Variants in DNAH11 observed in about 807,000 individuals in gnomAD.
DNAH11 encodes the protein axonemal beta dynein heavy chain 11.
In DNAH11, 442 loss-of-function variants were observed where a neutral mutation model predicts 526.0. That is an observed-to-expected ratio of 0.84 (90% CI 0.78 to 0.91). DNAH11 has a LOEUF of 0.91. Among genes scored for constraint, DNAH11 ranks in the 40% least tolerant of loss-of-function variants. DNAH11 has a pLI of 0.00. For missense variants in DNAH11, 6,989 were observed against 5,448.7 expected (o/e 1.28, Z -8.90); for synonymous variants, 2,461 against 1,935.9 (o/e 1.27, Z -7.12).
At chr7:21,590,855 T>C (rs1055118392) in intron 12 of DNAH11, 63 bp from the exon 13 acceptor site, 7 of 1,013,972 alleles carry the variant, frequency 6.9e-6, no homozygotes, top group Admixed American at 3.9e-5. Flanking sequence ...CAAGTTAAAC[T>C]TGAGTTAAAA....
chr7:21,816,143 T>G (rs1480450241), intron 63 of DNAH11, among the ~76,000 whole-genome samples: 1 of 152,142 alleles, frequency 6.6e-6, no homozygotes, highest in African/African-American at 2.4e-5. Flanking sequence ...CAAATATATT[T>G]CTGGTGTCCT....
At chr7:21,730,292 G>A (rs551738396) in intron 45 of DNAH11, among the ~76,000 whole-genome samples, 10 of 152,326 alleles carry the variant, frequency 6.6e-5, no homozygotes, top group African/African-American at 2.2e-4. Context: ...CATACAGGTT[G>A]AGCATCTCTA....
chr7:21,607,570 CATT>C (rs998737882), intron 20 of DNAH11, among the ~76,000 whole-genome samples: 1 of 152,078 alleles, frequency 6.6e-6, no homozygotes, highest in Non-Finnish European at 1.5e-5. Flanking sequence ...ATATGACTTT[CATT>C]ATTTCTTTTT....
Position 21,807,892 on chromosome 7 carries a change from G to A in DNAH11, c.10175G>A (p.Arg3392His), listed in dbSNP as rs773319818. 12 of 1,593,482 alleles carry A rather than the reference G, an allele frequency of 7.5e-6. No individual in the cohort carries two copies. The highest frequency in any genetic ancestry group is 3.4e-5 in the Admixed American group (2 of 59,598). Residue 3392 changes from arginine (R) to histidine (H), a missense_variant, in exon 63 of 82, where the codon CGC becomes CAC. Transcript: ENST00000409508. ...LVKELEAKKI[R>H]WGQSIKSFEA... ...TTCATCTTTCAGTCAGAGAAGATTCGCTGGGGTCAATCCATTAAGTCCTTT... is the reference window on the plus strand; with the variant it reads ...TTCATCTTTCAGTCAGAGAAGATTCACTGGGGTCAATCCATTAAGTCCTTT...
At chr7:21,713,672 T>C (rs893005650) in intron 42 of DNAH11, among the ~76,000 whole-genome samples, 11 of 152,092 alleles carry the variant, frequency 7.2e-5, no homozygotes, top group Admixed American at 3.9e-4. Context: ...AGGGATGACA[T>C]TGGTTTCCTG....
chr7:21,684,042 A>C, intron 32 of DNAH11, 98 bp downstream of exon 32: 1 of 1,277,078 alleles, frequency 7.8e-7, no homozygotes. Flanking sequence ...ACGATGAACA[A>C]TGAACTATGT....
At chr7:21,781,299 G>T (rs963287312) in intron 57 of DNAH11, among the ~76,000 whole-genome samples, 1 of 152,174 alleles carries the variant, frequency 6.6e-6, no homozygotes, top group Admixed American at 6.5e-5. Context: ...GTCTTGCCGT[G>T]AACCTTGACA....
At chr7:21,877,738 G>A (rs937807570) in intron 74 of DNAH11, among the ~76,000 whole-genome samples, 6 of 151,972 alleles carry the variant, frequency 3.9e-5, no homozygotes, top group Non-Finnish European at 8.8e-5. Flanking sequence ...AGCCAGGCGT[G>A]GTGGTGGGCG....
intron 76 of DNAH11, among the ~76,000 whole-genome samples, chr7:21,888,402 A>T (rs1290890845): frequency 2.0e-5 from 3 of 152,166 alleles, no homozygotes; most frequent in African/African-American, 7.2e-5. Context: ...CAATAATCTC[A>T]TGGAGTCCAA....
chr7:21,743,200 T>C (rs897353232), intron 49 of DNAH11, among the ~76,000 whole-genome samples: 1 of 152,210 alleles, frequency 6.6e-6, no homozygotes, highest in African/African-American at 2.4e-5. Flanking sequence ...GCTCTTTAGA[T>C]TGAGTGAGTG....
At chr7:21,730,681 G>C (rs181507039) in intron 45 of DNAH11, among the ~76,000 whole-genome samples, 5 of 152,274 alleles carry the variant, frequency 3.3e-5, no homozygotes, top group African/African-American at 1.2e-4. Flanking sequence ...TGGCTACCAG[G>C]GGCTGGAGTT....
intron 36 of DNAH11, among the ~76,000 whole-genome samples, chr7:21,701,614 A>G (rs1474223711): frequency 6.6e-6 from 1 of 152,020 alleles, no homozygotes; most frequent in Non-Finnish European, 1.5e-5. Context: ...TTTGCATCAC[A>G]CTGCAGTGTT....
chr7:21,633,930 T>G (rs922991465), intron 25 of DNAH11, among the ~76,000 whole-genome samples: 1 of 152,228 alleles, frequency 6.6e-6, no homozygotes, highest in Non-Finnish European at 1.5e-5. Context: ...GACTCTAGTT[T>G]CCTTGGACTA....
intron 25 of DNAH11, among the ~76,000 whole-genome samples, chr7:21,622,694 C>A (rs1404378541): frequency 6.6e-6 from 1 of 152,044 alleles, no homozygotes; most frequent in Non-Finnish European, 1.5e-5. Context: ...CTTTGACAAA[C>A]CTGAGAAAAA....
chr7:21,740,133 T>C (rs1237660493), intron 48 of DNAH11, among the ~76,000 whole-genome samples: 2 of 152,200 alleles, frequency 1.3e-5, no homozygotes, highest in Admixed American at 6.5e-5. Flanking sequence ...CCAAAATCTC[T>C]GTACTCTACC....
intron 20 of DNAH11, among the ~76,000 whole-genome samples, chr7:21,613,364 A>T (rs1016375881): frequency 6.6e-5 from 10 of 152,236 alleles, no homozygotes; most frequent in Non-Finnish European, 1.3e-4. Flanking sequence ...AAGAGGGATG[A>T]AATTAAGAAA....
intron 81 of DNAH11, 41 bp from the exon 82 acceptor site, chr7:21,900,966 C>T (rs1383933114): frequency 3.9e-6 from 6 of 1,523,452 alleles, no homozygotes; most frequent in Non-Finnish European, 1.8e-6. Flanking sequence ...TCATTAGTAG[C>T]AAGCTGCCAC....
intron 25 of DNAH11, 91 bp downstream of exon 25, chr7:21,620,169 G>A (rs556818979): frequency 2.2e-4 from 248 of 1,109,306 alleles, no homozygotes; most frequent in Non-Finnish European, 2.8e-4. Flanking sequence ...ATGTTTTGAT[G>A]TATGTTTACA....
intron 44 of DNAH11, among the ~76,000 whole-genome samples, chr7:21,725,049 T>C (rs1292740970): frequency 1.3e-5 from 2 of 152,264 alleles, no homozygotes; most frequent in African/African-American, 2.4e-5. Context: ...TCCTTTTCTT[T>C]ATTTTCCAAC....
Sources: gnomAD v4.1 joint callset for allele counts (sites outside exome capture counted in the v4.1 genomes callset) on GRCh38, gnomAD v4.1.1 for gene constraint, MANE v1.5 for transcripts, NCBI Gene and HGNC (gene_info 2026-07-23, HGNC 2026-07-21) for gene names.